The following DMD variants were observed in gnomAD, a reference collection of about 807,000 sequenced individuals.
The protein encoded by DMD is mutant dystrophin.
Under a neutral mutation model 330.1 loss-of-function variants are expected in DMD, and 63 were observed. The ratio of observed to expected loss-of-function variants is 0.19; its 90% CI spans 0.16 to 0.24. DMD has a LOEUF of 0.24. DMD is among the 10% of genes least tolerant of loss of function. The pLI is 1.00. For missense variants in DMD, 3,344 were observed against 2,684.1 expected (o/e 1.25, Z -5.43); for synonymous variants, 1,223 against 959.8 (o/e 1.27, Z -5.07).
chrX:31,659,648 A>G (rs1276692779), intron 53 of DMD, among the ~76,000 whole-genome samples: 3 of 80,981 alleles, frequency 3.7e-5, no homozygotes, highest in African/African-American at 1.5e-4. Context: ...GGAAAAAAAA[A>G]AAAAAAAAAA....
chrX:32,985,853 G>T (rs1218611115), intron 2 of DMD, among the ~76,000 whole-genome samples: 2 of 111,303 alleles, frequency 1.8e-5, no homozygotes, highest in Non-Finnish European at 3.8e-5. Flanking sequence ...TCATGTGTGG[G>T]CCTGACTACA....
intron 44 of DMD, among the ~76,000 whole-genome samples, chrX:32,093,784 A>G (rs758290574): frequency 3.6e-5 from 4 of 111,429 alleles, no homozygotes; most frequent in Non-Finnish European, 7.5e-5. Flanking sequence ...AATTAATAAT[A>G]TGATAATGAA....
intron 1 of DMD, among the ~76,000 whole-genome samples, chrX:33,111,133 G>T (rs1350001326): frequency 9.0e-6 from 1 of 110,837 alleles, no homozygotes; most frequent in Non-Finnish European, 1.9e-5. Context: ...TGACAATGTT[G>T]CTGATAACAT....
intron 7 of DMD, among the ~76,000 whole-genome samples, chrX:32,739,291 T>A (rs767629562): frequency 8.9e-6 from 1 of 111,804 alleles, no homozygotes; most frequent in African/African-American, 3.2e-5. Flanking sequence ...ACAAGAGTAG[T>A]GATTTAAATT....
chrX:31,354,602 G>T (rs1321984519), intron 60 of DMD, among the ~76,000 whole-genome samples: 1 of 111,497 alleles, frequency 9.0e-6, no homozygotes, highest in Non-Finnish European at 1.9e-5. Context: ...AGTTATGAGG[G>T]CTATATATTA....
intron 74 of DMD, among the ~76,000 whole-genome samples, chrX:31,154,382 G>C (rs1281188650): frequency 9.1e-6 from 1 of 109,534 alleles, no homozygotes; most frequent in Non-Finnish European, 1.9e-5. Context: ...TGCAAGCTCT[G>C]CCTCCTGGGT....
chrX:31,831,743 T>C (rs898982413), intron 49 of DMD, among the ~76,000 whole-genome samples: 28 of 110,707 alleles, frequency 2.5e-4, no homozygotes, highest in East Asian at 5.7e-4. Flanking sequence ...GGACTACAGA[T>C]GCCTGCCACC....
At chrX:32,820,979 G>C (rs1050402943) in intron 5 of DMD, among the ~76,000 whole-genome samples, 1 of 111,392 alleles carries the variant, frequency 9.0e-6, no homozygotes, top group East Asian at 2.9e-4. Flanking sequence ...AAAGCAGTTT[G>C]GGGAGAGATG....
intron 7 of DMD, among the ~76,000 whole-genome samples, chrX:32,717,661 C>T (rs1447981070): frequency 9.0e-6 from 1 of 111,112 alleles, no homozygotes; most frequent in Non-Finnish European, 1.9e-5. Context: ...CACTGTCCTC[C>T]AGAGCCTAGA....
chrX:32,344,235 C>A (rs368185108), intron 39 of DMD, among the ~76,000 whole-genome samples: 3 of 111,300 alleles, frequency 2.7e-5, no homozygotes, highest in Non-Finnish European at 5.7e-5. Context: ...AGGTTTAATT[C>A]GAGCGAAAAA....
At chrX:32,563,205 T>C (rs2051252457) in intron 16 of DMD, among the ~76,000 whole-genome samples, 1 of 108,707 alleles carries the variant, frequency 9.2e-6, no homozygotes, top group African/African-American at 3.4e-5. Context: ...TGGGGTGTCA[T>C]GGTAGGCACC....
At chrX:32,392,249 T>G (rs867439930) in intron 30 of DMD, among the ~76,000 whole-genome samples, 1 of 110,920 alleles carries the variant, frequency 9.0e-6, no homozygotes, top group Middle Eastern at 4.3e-3. Flanking sequence ...TGGCTTTATT[T>G]ATTTATTTAG....
In DMD at chrX:32,491,471, T is replaced by G. The variant is rs2042991182; in HGVS notation, c.2428A>C (p.Ser810Arg). 6 of 1,209,280 alleles carry G rather than the reference T, an allele frequency of 5.0e-6. No individual in the cohort carries two copies. The highest frequency in any genetic ancestry group is 2.2e-5 in the Admixed American group (1 of 45,721). ...AACTGGCAGAATTCGATCCACCGGC[T>G]GTTCAGTTGTTCTGAGGCTTGTTTG... is the stretch of plus-strand genomic sequence containing the variant. The part of the protein sequence containing the change: ...SIKQASEQLN[S>R]RWIEFCQLLS... The change falls in exon 20 of 79, where the codon AGC becomes CGC. Residue 810 changes from serine (S) to arginine (R), a missense_variant. Transcript: ENST00000357033.
intron 60 of DMD, among the ~76,000 whole-genome samples, chrX:31,371,683 A>G (rs2059579133): frequency 8.9e-6 from 1 of 111,825 alleles, no homozygotes; most frequent in Non-Finnish European, 1.9e-5. Context: ...AAAACTGTCC[A>G]GACACAGCAG....
chrX:33,229,494 G>C (rs114235635), intron 1 of DMD, among the ~76,000 whole-genome samples: 3,743 of 111,366 alleles, frequency 0.034, 166 homozygotes, highest in African/African-American at 0.12. Flanking sequence ...TGTTGAAAAG[G>C]CTATAGAAAT....
At chrX:31,152,538 CTT>C (rs11285738) in intron 74 of DMD, among the ~76,000 whole-genome samples, 371 of 96,779 alleles carry the variant, frequency 3.8e-3, no homozygotes, top group Middle Eastern at 5.1e-3. Context: ...ATTAATTCAT[CTT>C]TTTTTTTTTT....
At chrX:32,559,607 G>A (rs926965639) in intron 16 of DMD, among the ~76,000 whole-genome samples, 11 of 111,294 alleles carry the variant, frequency 9.9e-5, no homozygotes, top group African/African-American at 3.3e-4. Flanking sequence ...CAGCCAGAAC[G>A]TGAACATAAA....
chrX:32,953,141 A>C (rs1359854508), intron 2 of DMD, among the ~76,000 whole-genome samples: 1 of 109,051 alleles, frequency 9.2e-6, no homozygotes, highest in Non-Finnish European at 1.9e-5. Context: ...CCAAAAAAAA[A>C]AAAAAAAAAG....
At chrX:32,654,082 C>T (rs1347999000) in intron 9 of DMD, among the ~76,000 whole-genome samples, 1 of 111,760 alleles carries the variant, frequency 8.9e-6, no homozygotes, top group East Asian at 2.8e-4. Flanking sequence ...GATATACAAT[C>T]ATGTCATCTG....
Sources: allele counts gnomAD v4.1 joint callset (sites outside exome capture counted in the v4.1 genomes callset), GRCh38; gene constraint gnomAD v4.1.1; transcripts MANE v1.5; gene names NCBI Gene and HGNC (gene_info 2026-07-23, HGNC 2026-07-21).